PTPRM: variants seen among roughly 807,000 people sequenced by gnomAD.
The protein encoded by PTPRM is protein tyrosine phosphatase receptor type M.
Under a neutral mutation model 186.7 loss-of-function variants are expected in PTPRM, and 47 were observed. The observed-to-expected ratio is 0.25, with a 90% CI of 0.20 to 0.32. The LOEUF (loss-of-function observed/expected upper bound fraction) is 0.32. Ranked by LOEUF, PTPRM falls within the 10% of genes least tolerant of loss-of-function variation. The probability of loss-of-function intolerance (pLI) is 1.00; values close to 1 mark genes in which losing one functional copy is unlikely to be tolerated. For missense variants in PTPRM, 1,494 were observed against 1,865.0 expected, an observed-to-expected ratio of 0.80 and a Z score of 3.66; for synonymous variants, 668 against 674.9, an observed-to-expected ratio of 0.99 and a Z score of 0.16.
At chr18:7,630,401 G>C (rs1228466518) in intron 1 of PTPRM, among the ~76,000 whole-genome samples, 2 of 152,166 alleles carry the variant, frequency 1.3e-5, no homozygotes, top group African/African-American at 4.8e-5. Context: ...ATGTCCCTGT[G>C]ACTTCAGCAA....
chr18:8,118,366 A>G (rs1440946706), intron 13 of PTPRM, among the ~76,000 whole-genome samples: 1 of 152,174 alleles, frequency 6.6e-6, no homozygotes, highest in Non-Finnish European at 1.5e-5. Flanking sequence ...GAGCAGTCAT[A>G]TATGTTAATT....
At chr18:7,867,722 T>G (rs1261011502) in intron 2 of PTPRM, among the ~76,000 whole-genome samples, 2 of 152,210 alleles carry the variant, frequency 1.3e-5, no homozygotes, top group Admixed American at 6.5e-5. Flanking sequence ...TTCTCTGTAT[T>G]TCCTGAATTT....
chr18:8,081,517 T>A (rs2090127634), intron 9 of PTPRM, among the ~76,000 whole-genome samples: 1 of 152,200 alleles, frequency 6.6e-6, no homozygotes, highest in African/African-American at 2.4e-5. Context: ...AGGCACTTAA[T>A]AAGCATGTAT....
intron 20 of PTPRM, among the ~76,000 whole-genome samples, chr18:8,302,180 C>A (rs979095266): frequency 6.6e-6 from 1 of 152,210 alleles, no homozygotes; most frequent in Non-Finnish European, 1.5e-5. Flanking sequence ...ACCATGAGAA[C>A]TCACAACGTG....
At chr18:8,373,097 TC>T (rs1171825567) in intron 24 of PTPRM, among the ~76,000 whole-genome samples, 4 of 152,146 alleles carry the variant, frequency 2.6e-5, no homozygotes, top group Admixed American at 6.5e-5. Flanking sequence ...TTTGGGGAAA[TC>T]AAAATGACAC....
intron 13 of PTPRM, among the ~76,000 whole-genome samples, chr18:8,127,939 T>A (rs1424294805): frequency 2.6e-5 from 4 of 152,260 alleles, no homozygotes; most frequent in African/African-American, 9.6e-5. Context: ...CAATAAATGC[T>A]CCACTTCCAT....
In PTPRM at chr18:7,615,693, A is replaced by G. The variant is rs372753435; in HGVS notation, c.73+47802A>G. ...TAGTTTCATGGAAGACAATTTTTCC[A>G]CAGATGGGGTGGGGTGGGGATGGTT... On this transcript the variant is annotated intron_variant, in intron 1 of 32. Coordinates refer to ENST00000580170, the MANE Select transcript of PTPRM (RefSeq NM_001105244.2). 2.6e-5 allele frequency among the ~76,000 whole-genome samples: 4 copies of G among 152,126 alleles called. No individual in the cohort carries two copies. The East Asian group carries it at 7.7e-4, about 29-fold the overall frequency.
intron 1 of PTPRM, among the ~76,000 whole-genome samples, chr18:7,709,523 C>G (rs2040167674): frequency 6.6e-6 from 1 of 151,900 alleles, no homozygotes; most frequent in African/African-American, 2.4e-5. Flanking sequence ...ACAAACTAAA[C>G]CCAAACCCAA....
At chr18:8,331,652 G>A (rs982155871) in intron 22 of PTPRM, among the ~76,000 whole-genome samples, 1 of 152,320 alleles carries the variant, frequency 6.6e-6, no homozygotes, top group African/African-American at 2.4e-5. Context: ...TACTCATATA[G>A]TTTTCATGAA....
intron 23 of PTPRM, among the ~76,000 whole-genome samples, chr18:8,368,173 C>T (rs769774381): frequency 6.6e-6 from 1 of 150,756 alleles, no homozygotes; most frequent in Non-Finnish European, 1.5e-5. Flanking sequence ...AACTAATCCC[C>T]CAATATACAG....
chr18:7,637,847 T>A (rs951925734), intron 1 of PTPRM, among the ~76,000 whole-genome samples: 2 of 152,220 alleles, frequency 1.3e-5, no homozygotes, highest in African/African-American at 2.4e-5. Context: ...CTGGTGCTTT[T>A]CCTTAATTTA....
chr18:7,688,321 C>T (rs1598376272), intron 1 of PTPRM, among the ~76,000 whole-genome samples: 1 of 152,126 alleles, frequency 6.6e-6, no homozygotes, highest in African/African-American at 2.4e-5. Context: ...TGTGGCTTCT[C>T]TAAGGGAGCT....
At chr18:8,021,095 G>T (rs1057012268) in intron 7 of PTPRM, among the ~76,000 whole-genome samples, 19 of 152,052 alleles carry the variant, frequency 1.2e-4, no homozygotes, top group Non-Finnish European at 2.1e-4. Flanking sequence ...AGAGCCTAGG[G>T]TCTTCTGAGT....
intron 1 of PTPRM, among the ~76,000 whole-genome samples, chr18:7,627,876 TAG>T (rs2038098735): frequency 1.3e-5 from 2 of 152,174 alleles, no homozygotes; most frequent in African/African-American, 2.4e-5. Context: ...CTACAGTGAC[TAG>T]AGTCAGAAGG....
intron 9 of PTPRM, among the ~76,000 whole-genome samples, chr18:8,077,930 A>G (rs190372645): frequency 5.9e-5 from 9 of 152,320 alleles, no homozygotes; most frequent in African/African-American, 1.9e-4. Flanking sequence ...TTCAAAGGAA[A>G]AACCCATTAG....
chr18:8,378,670 A>T (rs959230833), intron 27 of PTPRM, among the ~76,000 whole-genome samples: 20 of 152,052 alleles, frequency 1.3e-4, no homozygotes, highest in Admixed American at 1.1e-3. Flanking sequence ...TGGTCTAACA[A>T]CCATTTCCAC....
intron 19 of PTPRM, among the ~76,000 whole-genome samples, chr18:8,274,858 C>T (rs1490141029): frequency 2.0e-5 from 3 of 152,152 alleles, no homozygotes; most frequent in Non-Finnish European, 4.4e-5. Flanking sequence ...CAAGGAAGAA[C>T]TCACTGGGAT....
chr18:7,818,646 C>T (rs986741975), intron 2 of PTPRM, among the ~76,000 whole-genome samples: 9 of 152,160 alleles, frequency 5.9e-5, no homozygotes, highest in Non-Finnish European at 1.3e-4. Flanking sequence ...AGCTTTTGCT[C>T]CCCCAAAATG....
intron 1 of PTPRM, among the ~76,000 whole-genome samples, chr18:7,705,761 G>A (rs186886493): frequency 4.0e-5 from 6 of 150,448 alleles, no homozygotes; most frequent in Admixed American, 3.3e-4. Context: ...GTCTTGATAT[G>A]TTTCTCAATC....
Sources: gnomAD v4.1 joint callset for allele counts (sites outside exome capture counted in the v4.1 genomes callset) on GRCh38, gnomAD v4.1.1 for gene constraint, MANE v1.5 for transcripts, NCBI Gene and HGNC (gene_info 2026-07-23, HGNC 2026-07-21) for gene names.